TRAM2: variants seen among roughly 807,000 people sequenced by gnomAD.
TRAM2 encodes the protein translocation associated membrane protein 2.
TRAM2 carries 12 observed loss-of-function variants against 51.0 expected under a neutral mutation model. The ratio of observed to expected loss-of-function variants is 0.24; its 90% CI spans 0.15 to 0.38. The LOEUF is 0.38. Ranked by LOEUF, TRAM2 falls within the 10% of genes least tolerant of loss-of-function variation. The pLI is 1.00. For synonymous variants in TRAM2, 175 were observed against 179.4 expected (o/e 0.98, Z 0.20); for missense variants, 361 against 462.0 (o/e 0.78, Z 2.00).
At chr6:52,564,413 A>G (rs540215602) in intron 1 of TRAM2, among the ~76,000 whole-genome samples, 10 of 152,028 alleles carry the variant, frequency 6.6e-5, no homozygotes, top group African/African-American at 2.2e-4. Context: ...TTCAACCCTT[A>G]ACCAGCCCCT....
chr6:52,559,963 G>A (rs148470536), intron 1 of TRAM2, among the ~76,000 whole-genome samples: 1,591 of 152,134 alleles, frequency 0.01, 27 homozygotes, highest in African/African-American at 0.037. Flanking sequence ...CATATAGGCC[G>A]GGTGCGGTGG....
At position 52,576,934 on chromosome 6, in the gene TRAM2, GC is replaced by G; in HGVS notation, c.-20del. 1.3e-6 allele frequency: 2 copies of G among 1,599,338 alleles called. No individual in the cohort carries two copies. Among genetic ancestry groups the G allele is most frequent in the Non-Finnish European group, 1.7e-6 (2 of 1,174,056 alleles). On this transcript the variant is annotated 5_prime_UTR_variant, in exon 1 of 11. Transcript: ENST00000182527. ...AAGCCATGGCAGCGGGCGCGCAGCG[GC>G]CGGCGGGGCCCGCACCCTGCGCTCA...
chr6:52,532,499 A>G (rs1359900412), intron 2 of TRAM2, among the ~76,000 whole-genome samples: 1 of 152,218 alleles, frequency 6.6e-6, no homozygotes. Flanking sequence ...TTTATGGGTC[A>G]TGAGTATTAA....
At chr6:52,576,271 G>A (rs553045422) in intron 1 of TRAM2, among the ~76,000 whole-genome samples, 38 of 152,322 alleles carry the variant, frequency 2.5e-4, no homozygotes, top group African/African-American at 8.4e-4. Context: ...AGGGCCACAC[G>A]TGAACATCCG....
intron 1 of TRAM2, among the ~76,000 whole-genome samples, chr6:52,538,641 G>A (rs1311241842): frequency 2.0e-5 from 3 of 152,214 alleles, no homozygotes; most frequent in African/African-American, 7.2e-5. Context: ...CTCTGTGCCT[G>A]AGCCACACCC....
chr6:52,511,217 C>T (rs531283687), intron 4 of TRAM2, among the ~76,000 whole-genome samples: 14 of 152,314 alleles, frequency 9.2e-5, no homozygotes, highest in African/African-American at 3.4e-4. Context: ...GATTCTCCCG[C>T]CTCAGTCCTC....
intron 2 of TRAM2, among the ~76,000 whole-genome samples, chr6:52,531,775 C>A (rs1766897102): frequency 6.6e-6 from 1 of 152,208 alleles, no homozygotes; most frequent in South Asian, 2.1e-4. Context: ...CTTTTCCTTA[C>A]CACATAACCT....
chr6:52,511,910 G>A (rs549112057), intron 4 of TRAM2, among the ~76,000 whole-genome samples: 1 of 152,186 alleles, frequency 6.6e-6, no homozygotes, highest in African/African-American at 2.4e-5. Flanking sequence ...CCTGGGTCAC[G>A]TGCCGATTGA....
intron 1 of TRAM2, 59 bp from the exon 2 acceptor site, chr6:52,535,905 T>A (rs1766970827): frequency 1.4e-6 from 2 of 1,471,030 alleles, no homozygotes; most frequent in Non-Finnish European, 1.9e-6. Context: ...AAGAAACAAG[T>A]GGAAGCTGCT....
At chr6:52,555,516 A>G (rs1463981176) in intron 1 of TRAM2, among the ~76,000 whole-genome samples, 1 of 152,230 alleles carries the variant, frequency 6.6e-6, no homozygotes, top group Admixed American at 6.5e-5. Context: ...TTTGATGATC[A>G]TCCTTACAGG....
rs1007989878 is a variant in TRAM2, at chr6:52,572,378, C to A, written c.120+4418G>T. On this transcript the variant is annotated intron_variant, in intron 1 of 10. Transcript: ENST00000182527. ...TAGCACTTTGGGAGGCCAAGGTGGG[C>A]GGATCACCTGAAGTCAGGAGTTCAA... Among the ~76,000 whole-genome samples, 5 of 152,212 alleles carry A rather than the reference C, an allele frequency of 3.3e-5. No homozygotes were observed. The South Asian group carries it at 1.0e-3, about 32-fold the overall frequency.
chr6:52,537,030 AG>A (rs1472366358), intron 1 of TRAM2, among the ~76,000 whole-genome samples: 50 of 152,294 alleles, frequency 3.3e-4, no homozygotes, highest in African/African-American at 1.1e-3. Context: ...TGCCAGTGAG[AG>A]GTCACTATCC....
At chr6:52,552,687 T>C (rs963737068) in intron 1 of TRAM2, among the ~76,000 whole-genome samples, 1 of 152,230 alleles carries the variant, frequency 6.6e-6, no homozygotes. Context: ...TGGAAATCTC[T>C]GCTGTAGCAG....
Position 52,500,012 on chromosome 6 carries a change from A to T in TRAM2, c.*3185T>A, listed in dbSNP as rs1766175876. 6.6e-6 allele frequency: 1 copy of T among 152,172 alleles called. No homozygotes were observed. The allele number at this position is 152,172 out of a possible 1,614,324, so 9.4% of individuals were successfully genotyped here. A position where few individuals can be genotyped will look rare whatever the true frequency, so the allele number is the denominator to read the frequency against. On this transcript the variant is annotated 3_prime_UTR_variant, in exon 11 of 11. Transcript: ENST00000182527. ...TCCCATCATCACTGCACCTCCAAGGAGGGGAGCGGGTAGCACAGATCCTTG... is the reference window on the plus strand; with the variant it reads ...TCCCATCATCACTGCACCTCCAAGGTGGGGAGCGGGTAGCACAGATCCTTG...
intron 1 of TRAM2, among the ~76,000 whole-genome samples, chr6:52,560,421 T>G (rs1767479571): frequency 6.6e-6 from 1 of 152,250 alleles, no homozygotes; most frequent in African/African-American, 2.4e-5. Flanking sequence ...GCTCATCCTA[T>G]ACATACTAAT....
chr6:52,526,387 C>T (rs1158945969), intron 2 of TRAM2, among the ~76,000 whole-genome samples: 1 of 152,014 alleles, frequency 6.6e-6, no homozygotes, highest in African/African-American at 2.4e-5. Flanking sequence ...TTGATAAGAT[C>T]CCAGGTTTCT....
At chr6:52,566,507 C>T (rs1205761142) in intron 1 of TRAM2, among the ~76,000 whole-genome samples, 6 of 152,094 alleles carry the variant, frequency 3.9e-5, no homozygotes, top group African/African-American at 1.4e-4. Context: ...CTAAACCACT[C>T]TAGTAGTCTC....
At chr6:52,551,241 T>G (rs2076635) in intron 1 of TRAM2, among the ~76,000 whole-genome samples, 33,860 of 152,062 alleles carry the variant, frequency 0.22, 4,317 homozygotes, top group Non-Finnish European at 0.29. Context: ...CTTTATTATT[T>G]TGGAAAAACA....
At chr6:52,516,390 A>C in intron 3 of TRAM2, 1 of 594,156 alleles carries the variant, frequency 1.7e-6, no homozygotes. Context: ...ACCCATAAGG[A>C]CACCATCTCC....
Sources: gnomAD v4.1 joint callset for allele counts (sites outside exome capture counted in the v4.1 genomes callset) on GRCh38, gnomAD v4.1.1 for gene constraint, MANE v1.5 for transcripts, NCBI Gene and HGNC (gene_info 2026-07-23, HGNC 2026-07-21) for gene names.